GABRG3: variants seen among roughly 807,000 people sequenced by gnomAD.
The protein encoded by GABRG3 is gamma-aminobutyric acid type A receptor subunit gamma3.
In GABRG3, 25 loss-of-function variants were observed where a neutral mutation model predicts 48.8. The ratio of observed to expected loss-of-function variants is 0.51; its 90% confidence interval spans 0.37 to 0.72. The LOEUF (loss-of-function observed/expected upper bound fraction) is 0.72. Among genes scored for constraint, GABRG3 ranks in the 30% least tolerant of loss-of-function variants. The pLI is 0.00. For missense variants in GABRG3, 394 were observed against 577.9 expected, an observed-to-expected ratio of 0.68 and a Z score of 3.26; for synonymous variants, 227 against 217.6, an observed-to-expected ratio of 1.04 and a Z score of -0.38.
At chr15:27,508,057 A>G (rs1471914128) in intron 6 of GABRG3, among the ~76,000 whole-genome samples, 4 of 152,216 alleles carry the variant, frequency 2.6e-5, no homozygotes, top group Admixed American at 2.6e-4. Flanking sequence ...CTTTATACTT[A>G]AAGTGGCTTT....
intron 5 of GABRG3, among the ~76,000 whole-genome samples, chr15:27,416,705 G>A (rs759466244): frequency 6.6e-6 from 1 of 152,114 alleles, no homozygotes; most frequent in Non-Finnish European, 1.5e-5. Flanking sequence ...CCCTGGCACT[G>A]GTTCCCACAG....
chr15:27,354,032 C>T (rs1894746387), intron 5 of GABRG3, among the ~76,000 whole-genome samples: 1 of 152,134 alleles, frequency 6.6e-6, no homozygotes, highest in Non-Finnish European at 1.5e-5. Flanking sequence ...GGAGGAAGGG[C>T]TTGATGAGGT....
intron 3 of GABRG3, among the ~76,000 whole-genome samples, chr15:27,105,612 C>T (rs969690034): frequency 5.3e-5 from 8 of 151,928 alleles, no homozygotes; most frequent in African/African-American, 1.5e-4. Context: ...TTTAGGATGG[C>T]GGTTATCAAA....
At position 27,026,773 on chromosome 15, in the gene GABRG3, C is replaced by T. The variant is rs763876355; in HGVS notation, c.222C>T (p.Asp74=). 8.1e-6 allele frequency: 13 copies of T among 1,611,374 alleles called. No individual in the cohort carries two copies. Among genetic ancestry groups the T allele is most frequent in the South Asian group, 2.2e-5 (2 of 90,358 alleles). The stretch of plus-strand genomic sequence containing the variant: ...CCACAGTAAAACCGACCGTAATTGA[C>T]GTTGACATTTATGTTAACAGCATTG... The part of the protein sequence containing the change: ...PDIGIKPTVI[D]VDIYVNSIGP... Residue 74 remains aspartate, a synonymous_variant, in exon 3 of 10, where the codon GAC becomes GAT. Transcript: ENST00000615808.
At chr15:27,519,087 G>A (rs1891096783) in intron 6 of GABRG3, among the ~76,000 whole-genome samples, 2 of 152,186 alleles carry the variant, frequency 1.3e-5, no homozygotes, top group African/African-American at 4.8e-5. Flanking sequence ...TTGGCACGGG[G>A]AAGGTGATAG....
chr15:27,114,880 G>C (rs1369285639), intron 3 of GABRG3, among the ~76,000 whole-genome samples: 1 of 151,924 alleles, frequency 6.6e-6, no homozygotes, highest in Non-Finnish European at 1.5e-5. Context: ...ACCATCACAT[G>C]GAACTCGCAG....
At chr15:27,183,815 C>T (rs757866584) in intron 3 of GABRG3, among the ~76,000 whole-genome samples, 16 of 152,120 alleles carry the variant, frequency 1.1e-4, no homozygotes, top group Non-Finnish European at 2.2e-4. Flanking sequence ...TATATTTAAT[C>T]TATGTGTTTT....
intron 3 of GABRG3, among the ~76,000 whole-genome samples, chr15:27,244,710 G>A (rs1488357841): frequency 2.0e-5 from 3 of 152,150 alleles, no homozygotes; most frequent in Non-Finnish European, 4.4e-5. Context: ...TTGAGCCCAG[G>A]AGTTTGAGGC....
Position 27,030,516 on chromosome 15 carries a change from C to T in GABRG3, c.270+3695C>T, listed in dbSNP as rs190654073. ...AATGTTCCTCTACATGAAGCTTTCA[C>T]AGCATCCTCTGCCTTTGTCGCTGCA... On this transcript the variant is annotated intron_variant, in intron 3 of 9. Transcript: ENST00000615808. 2.0e-5 allele frequency among the ~76,000 whole-genome samples: 3 copies of T among 152,330 alleles called. No individual in the cohort carries two copies. The East Asian group carries it at 5.8e-4, about 29-fold the overall frequency.
At chr15:27,218,589 A>G (rs1012764387) in intron 3 of GABRG3, among the ~76,000 whole-genome samples, 4 of 152,126 alleles carry the variant, frequency 2.6e-5, no homozygotes, top group Admixed American at 6.5e-5. Flanking sequence ...CTCGGTTCCC[A>G]TCTGTCTGAC....
chr15:27,346,382 A>G (rs1262866088), intron 5 of GABRG3, among the ~76,000 whole-genome samples: 1 of 152,172 alleles, frequency 6.6e-6, no homozygotes, highest in Non-Finnish European at 1.5e-5. Context: ...CAGTGTGAAT[A>G]TGGTATGACC....
At chr15:27,492,463 C>A (rs1890379302) in intron 6 of GABRG3, among the ~76,000 whole-genome samples, 1 of 152,174 alleles carries the variant, frequency 6.6e-6, no homozygotes, top group Admixed American at 6.6e-5. Flanking sequence ...GCTGCCAGCC[C>A]TGGCTGTGGG....
rs573687895 is a variant in GABRG3, at chr15:27,234,598, C to T, written c.271-92211C>T. ...TACACATTCTCGGTTCTGGAGACCG[C>T]GGTGCTCTGAGCCACCTGCTCCTGG... On this transcript the variant is annotated intron_variant, in intron 3 of 9. Transcript: ENST00000615808. 3.9e-5 allele frequency among the ~76,000 whole-genome samples: 6 copies of T among 152,260 alleles called. 1 individual carries two copies. Among genetic ancestry groups the T allele is most frequent in the Non-Finnish European group, 5.9e-5 (4 of 68,024 alleles).
chr15:27,216,464 C>G (rs1889249538), intron 3 of GABRG3, among the ~76,000 whole-genome samples: 1 of 152,202 alleles, frequency 6.6e-6, no homozygotes, highest in African/African-American at 2.4e-5. Flanking sequence ...ATCTGCAAGG[C>G]AGGACCGTTG....
intron 3 of GABRG3, among the ~76,000 whole-genome samples, chr15:27,114,823 C>T (rs963302425): frequency 6.6e-6 from 1 of 151,820 alleles, no homozygotes; most frequent in African/African-American, 2.4e-5. Context: ...CATTAAACCC[C>T]TTCCATTCTA....
At chr15:27,491,001 G>A (rs1890340247) in intron 6 of GABRG3, among the ~76,000 whole-genome samples, 1 of 150,592 alleles carries the variant, frequency 6.6e-6, no homozygotes, top group African/African-American at 2.4e-5. Flanking sequence ...TTCTCCTTTT[G>A]ATTTGCTCTA....
intron 3 of GABRG3, among the ~76,000 whole-genome samples, chr15:27,234,007 A>G (rs549371979): frequency 5.9e-4 from 90 of 152,212 alleles, no homozygotes; most frequent in South Asian, 1.2e-3. Flanking sequence ...TCAGACAATC[A>G]CCTATGGGAG....
chr15:27,060,609 G>T (rs1468675890), intron 3 of GABRG3, among the ~76,000 whole-genome samples: 1 of 152,198 alleles, frequency 6.6e-6, no homozygotes, highest in Admixed American at 6.5e-5. Flanking sequence ...AGTGGCGTGG[G>T]GATGATGCAG....
At chr15:27,388,980 A>G (rs753148086) in intron 5 of GABRG3, among the ~76,000 whole-genome samples, 5 of 152,204 alleles carry the variant, frequency 3.3e-5, no homozygotes, top group Non-Finnish European at 7.3e-5. Context: ...TATTTTCTGC[A>G]TAAGTTTAAT....
Sources: allele counts gnomAD v4.1 joint callset (sites outside exome capture counted in the v4.1 genomes callset), GRCh38; gene constraint gnomAD v4.1.1; transcripts MANE v1.5; gene names NCBI Gene and HGNC (gene_info 2026-07-23, HGNC 2026-07-21).